Variants in COL23A1 observed in about 807,000 individuals in gnomAD.
COL23A1 encodes the protein collagen alpha-1(XXIII) chain.
In COL23A1, 97 loss-of-function variants were observed where a neutral mutation model predicts 99.3. That is an observed-to-expected ratio of 0.98 (90% CI 0.83 to 1.16). The LOEUF is 1.16. Among genes scored for constraint, COL23A1 ranks in the 50% most tolerant of loss-of-function variants. COL23A1 has a pLI of 0.00. For synonymous variants in COL23A1, 320 were observed against 308.2 expected, an observed-to-expected ratio of 1.04 and a Z score of -0.40; for missense variants, 762 against 757.4, an observed-to-expected ratio of 1.01 and a Z score of -0.07.
At chr5:178,342,212 A>G (rs898872712) in intron 2 of COL23A1, among the ~76,000 whole-genome samples, 2 of 152,174 alleles carry the variant, frequency 1.3e-5, no homozygotes, top group Non-Finnish European at 2.9e-5. Flanking sequence ...TGCACTTAGG[A>G]CAGTGTCTCC....
At chr5:178,357,333 C>T (rs951853560) in intron 2 of COL23A1, among the ~76,000 whole-genome samples, 3 of 152,040 alleles carry the variant, frequency 2.0e-5, no homozygotes, top group African/African-American at 4.8e-5. Context: ...TGTGAGCCGG[C>T]GGAAGTGCCT....
chr5:178,544,632 C>A lies in COL23A1; in HGVS notation c.361+16050G>T, dbSNP rs1264410549. Among the ~76,000 whole-genome samples the A allele has an allele frequency of 6.6e-6, 1 of 152,170 alleles. No individual in the cohort carries two copies. The highest frequency in any genetic ancestry group is 2.4e-5 in the African/African-American group (1 of 41,434). The stretch of plus-strand genomic sequence containing the variant: ...TTGGCCAGCACAGCCGGCCTCTATC[C>A]CCACTGTGAGACGGGCGGTGCCACA... On this transcript the variant is annotated intron_variant, in intron 2 of 28. Coordinates refer to ENST00000390654, the MANE Select transcript of COL23A1 (RefSeq NM_173465.4). This position sits in a 1 kb window ranked among gnomAD's most constrained non-coding sequence, Gnocchi z 4.4.
chr5:178,463,821 C>A (rs1388658033), intron 2 of COL23A1, among the ~76,000 whole-genome samples: 1 of 152,242 alleles, frequency 6.6e-6, no homozygotes, highest in East Asian at 1.9e-4. Flanking sequence ...GCTGCGGACA[C>A]TGTGCAGGTA....
intron 2 of COL23A1, among the ~76,000 whole-genome samples, chr5:178,539,078 G>T (rs1348446304): frequency 2.0e-5 from 3 of 152,242 alleles, no homozygotes; most frequent in African/African-American, 7.2e-5. Flanking sequence ...GTAGGAAGGG[G>T]CTTAGGGGTT....
intron 5 of COL23A1, among the ~76,000 whole-genome samples, chr5:178,273,164 C>A (rs368438867): frequency 1.1e-4 from 16 of 152,252 alleles, no homozygotes; most frequent in Non-Finnish European, 1.8e-4. Context: ...CACGCAGAGC[C>A]ACAGGGCTCT....
intron 2 of COL23A1, among the ~76,000 whole-genome samples, chr5:178,381,241 A>G (rs1460654892): frequency 6.6e-6 from 1 of 152,214 alleles, no homozygotes; most frequent in East Asian, 1.9e-4. Flanking sequence ...AAAGAAGAAC[A>G]GTTAAGCCAG....
chr5:178,268,741 T>C lies in COL23A1; in HGVS notation c.484A>G (p.Lys162Glu). 1 of 1,604,188 alleles carries C rather than the reference T, an allele frequency of 6.2e-7. No individual in the cohort carries two copies. Among genetic ancestry groups the C allele is most frequent in the Non-Finnish European group, 8.5e-7 (1 of 1,173,940 alleles). Residue 162 changes from lysine (K) to glutamate (E), a missense_variant, in exon 7 of 29, where the codon AAA (lysine) becomes GAA (glutamate). Coordinates refer to ENST00000390654, the MANE Select transcript of COL23A1 (RefSeq NM_173465.4). ...CTGGCATCACTTACCTTTTCCCCTT[T>C]CGGGCCTGGAAGTCCCTGGAAAAGG... ...LDGKPGLPGP[K>E]GEKGAPGDFG... is the part of the protein sequence containing the mutation.
intron 2 of COL23A1, among the ~76,000 whole-genome samples, chr5:178,524,376 T>G (rs1760192428): frequency 6.6e-6 from 1 of 152,228 alleles, no homozygotes; most frequent in Non-Finnish European, 1.5e-5. Flanking sequence ...AATCTGTCTC[T>G]TATGAGAATA....
chr5:178,450,018 G>C (rs1427167153), intron 2 of COL23A1, among the ~76,000 whole-genome samples: 1 of 152,156 alleles, frequency 6.6e-6, no homozygotes, highest in Non-Finnish European at 1.5e-5. Context: ...CCTTGTCACT[G>C]TAGGACCTGT....
intron 2 of COL23A1, among the ~76,000 whole-genome samples, chr5:178,492,440 C>A (rs1449748802): frequency 2.0e-5 from 3 of 152,054 alleles, no homozygotes; most frequent in South Asian, 2.1e-4. Flanking sequence ...AGGAGAGAGG[C>A]CTCAAAATGA....
rs573008043 is a variant in COL23A1 at position 178,566,788 on chromosome 5, C to T, written c.295-6040G>A. ...CCAAGATCGTGCCACTGCACTCCAGCCTGGGCGACAGAGTGAGACTCTGTC... is the reference window on the plus strand; with the variant it reads ...CCAAGATCGTGCCACTGCACTCCAGTCTGGGCGACAGAGTGAGACTCTGTC... On this transcript the variant is annotated intron_variant, in intron 1 of 28. Coordinates refer to ENST00000390654, the MANE Select transcript of COL23A1 (RefSeq NM_173465.4). Among the ~76,000 whole-genome samples, 19 of 152,004 alleles carry T rather than the reference C, an allele frequency of 1.2e-4. No individual in the cohort carries two copies. The South Asian group carries it at 2.1e-3, about 17-fold the overall frequency.
chr5:178,560,644 G>A (rs762605426), intron 2 of COL23A1, 38 bp downstream of exon 2: 12 of 1,586,316 alleles, frequency 7.6e-6, no homozygotes, highest in Admixed American at 5.4e-5. Flanking sequence ...AACGGCGGCC[G>A]AACGCAGGAG....
intron 2 of COL23A1, among the ~76,000 whole-genome samples, chr5:178,503,467 C>T (rs952969761): frequency 1.3e-5 from 2 of 152,196 alleles, no homozygotes; most frequent in Non-Finnish European, 2.9e-5. Context: ...GAAAATGCTA[C>T]AAAACGGCAT....
chr5:178,523,221 G>GAGAGAGAGAC (rs1760096901), intron 2 of COL23A1, among the ~76,000 whole-genome samples: 1 of 118,638 alleles, frequency 8.4e-6, no homozygotes, highest in East Asian at 2.4e-4. Context: ...GAGAGAGAGA[G>GAGAGAGAGAC]AGAGACAGAG....
At chr5:178,342,702 A>T (rs1760737346) in intron 2 of COL23A1, among the ~76,000 whole-genome samples, 1 of 152,148 alleles carries the variant, frequency 6.6e-6, no homozygotes, top group Non-Finnish European at 1.5e-5. Context: ...TCACATGTCC[A>T]TTTGTGATTG....
At chr5:178,557,724 A>G (rs1223545419) in intron 2 of COL23A1, among the ~76,000 whole-genome samples, 1 of 152,170 alleles carries the variant, frequency 6.6e-6, no homozygotes, top group East Asian at 1.9e-4. Flanking sequence ...AGCCCGAGGG[A>G]CACGCTGGAG....
intron 2 of COL23A1, among the ~76,000 whole-genome samples, chr5:178,466,879 C>G (rs1311397220): frequency 6.6e-6 from 1 of 152,210 alleles, no homozygotes; most frequent in African/African-American, 2.4e-5. Flanking sequence ...AGAATGGATA[C>G]TGGAGTTAGG....
chr5:178,343,663 ATT>A (rs745537028), intron 2 of COL23A1, among the ~76,000 whole-genome samples: 1 of 134,336 alleles, frequency 7.4e-6, no homozygotes. Flanking sequence ...ATATATATAT[ATT>A]TTTTTTTTTT....
Position 178,366,732 on chromosome 5 carries a change from C to T in COL23A1, c.362-59813G>A, listed in dbSNP as rs73804471. ...AGCATCCCAAACCTCGCCGGAAGCA[C>T]GTTCCTCCTCCGTGCCTGTGCTTCT... On this transcript the variant is annotated intron_variant, in intron 2 of 28. Coordinates refer to ENST00000390654, the MANE Select transcript of COL23A1 (RefSeq NM_173465.4). This position sits in a 1 kb window ranked among gnomAD's most constrained non-coding sequence, Gnocchi z 4.4. 2.0e-5 allele frequency among the ~76,000 whole-genome samples: 3 copies of T among 152,190 alleles called. No homozygotes were observed. Among genetic ancestry groups the T allele is most frequent in the East Asian group, 1.9e-4 (1 of 5,194 alleles).
Sources: gnomAD v4.1 joint callset for allele counts (sites outside exome capture counted in the v4.1 genomes callset) on GRCh38, gnomAD v4.1.1 for gene constraint, Gnocchi (gnomAD v3.1) non-coding constraint, MANE v1.5 for transcripts, NCBI Gene and HGNC (gene_info 2026-07-23, HGNC 2026-07-21) for gene names.